GPATCH1: variants seen among roughly 807,000 people sequenced by gnomAD.
The protein encoded by GPATCH1 is G-patch domain containing 1, also known as G patch domain-containing protein 1.
Under a neutral mutation model 114.9 loss-of-function variants are expected in GPATCH1, and 73 were observed. That is an observed-to-expected ratio of 0.64 (90% CI 0.53 to 0.77). The LOEUF is 0.77. Ranked by LOEUF, GPATCH1 falls within the 30% of genes least tolerant of loss-of-function variation. The probability of loss-of-function intolerance (pLI) is 0.00; values close to 1 mark genes in which losing one functional copy is unlikely to be tolerated. For missense variants in GPATCH1, 1,058 were observed against 1,144.3 expected (o/e 0.92, Z 1.09); for synonymous variants, 391 against 428.4 (o/e 0.91, Z 1.08).
chr19:33,092,854 C>A (rs865780673), intron 3 of GPATCH1, among the ~76,000 whole-genome samples: 1 of 151,988 alleles, frequency 6.6e-6, no homozygotes, highest in South Asian at 2.1e-4. Context: ...CATGCCCTGC[C>A]CTTGGCCACT....
intron 15 of GPATCH1, among the ~76,000 whole-genome samples, chr19:33,116,193 T>C (rs1050358241): frequency 6.6e-6 from 1 of 152,218 alleles, no homozygotes; most frequent in African/African-American, 2.4e-5. Flanking sequence ...TCTTACATAT[T>C]ACATGTACAC....
rs753209985 is a variant in GPATCH1 at position 33,117,935 on chromosome 19, C to T, written c.2307C>T (p.Ser769=). The T allele has an allele frequency of 1.6e-5, 26 of 1,612,406 alleles. No homozygotes were observed. Among genetic ancestry groups the T allele is most frequent in the Admixed American group, 5.0e-5 (3 of 59,948 alleles). Residue 769 remains serine, a synonymous_variant, in exon 16 of 20, where the codon TCC becomes TCT. Coordinates refer to ENST00000170564, the MANE Select transcript of GPATCH1 (RefSeq NM_018025.3). ...ASSSDEKSSS[S]EDEQGDSEDD... ...CCTCAGATGAAAAGTCCTCATCCTCCGAGGATGAGCAAGGTGACAGTGAAG... is the reference window on the plus strand; with the variant it reads ...CCTCAGATGAAAAGTCCTCATCCTCTGAGGATGAGCAAGGTGACAGTGAAG...
At chr19:33,108,507 G>C (rs1479938447) in intron 10 of GPATCH1, among the ~76,000 whole-genome samples, 3 of 151,108 alleles carry the variant, frequency 2.0e-5, no homozygotes, top group Admixed American at 6.6e-5. Flanking sequence ...TGTGAATCTG[G>C]CTCTTTTTTT....
chr19:33,093,651 G>T, intron 4 of GPATCH1, 132 bp downstream of exon 4: 1 of 842,564 alleles, frequency 1.2e-6, no homozygotes, highest in Non-Finnish European at 1.9e-6. Flanking sequence ...GAAAAAGGGG[G>T]TTTTGCGTAA....
chr19:33,108,610 C>T (rs184785491), intron 10 of GPATCH1, among the ~76,000 whole-genome samples: 2 of 152,234 alleles, frequency 1.3e-5, no homozygotes, highest in African/African-American at 2.4e-5. Context: ...TCTACCAGCC[C>T]GCTCACACAA....
chr19:33,096,330 G>T lies in GPATCH1; in HGVS notation c.736G>T (p.Ala246Ser). Residue 246 changes from alanine to serine, a missense_variant, in exon 7 of 20, where the codon GCA (alanine) becomes TCA (serine). Physicochemically the swap from Ala to Ser is moderately conservative, Grantham distance 99. Around this residue, in one of 3 missense-constraint regions of GPATCH1, gnomAD observed 893 missense variants for 977.4 expected, o/e 0.91. Transcript: ENST00000170564. The part of the protein sequence containing the change: ...LAYKGLDPHQ[A>S]LFGTSGEHFN... ...TTACAAGGGCCTGGATCCCCACCAGGCACTGTTTGGAACTTCGGGAGAACA... is the reference window on the plus strand; with the variant it reads ...TTACAAGGGCCTGGATCCCCACCAGTCACTGTTTGGAACTTCGGGAGAACA... The T allele has an allele frequency of 6.2e-7, 1 of 1,614,146 alleles. No individual in the cohort carries two copies. The highest frequency in any genetic ancestry group is 8.5e-7 in the Non-Finnish European group (1 of 1,180,018).
At chr19:33,129,773 A>T (rs1436454205) in intron 19 of GPATCH1, among the ~76,000 whole-genome samples, 1 of 152,106 alleles carries the variant, frequency 6.6e-6, no homozygotes, top group Non-Finnish European at 1.5e-5. Context: ...GTGAAACCCC[A>T]TCTGTACTAA....
intron 18 of GPATCH1, 21 bp from the exon 19 acceptor site, chr19:33,126,567 A>C: frequency 6.2e-7 from 1 of 1,611,238 alleles, no homozygotes; most frequent in Non-Finnish European, 8.5e-7. Context: ...GTTTTCCCCC[A>C]CCACTATTTG....
chr19:33,094,997 C>G lies in GPATCH1; in HGVS notation c.553+728C>G, dbSNP rs573640461. ...TGGGCAACACGGTGAAACCCTGCCT[C>G]TACCAAATATACCAAAATTAGCCAG... On this transcript the variant is annotated intron_variant, in intron 5 of 19. Transcript: ENST00000170564. 2.0e-5 allele frequency among the ~76,000 whole-genome samples: 3 copies of G among 152,216 alleles called. No individual in the cohort carries two copies. The East Asian group carries it at 5.8e-4, about 29-fold the overall frequency.
chr19:33,086,106 C>T (rs1159116110), intron 1 of GPATCH1, among the ~76,000 whole-genome samples: 1 of 152,188 alleles, frequency 6.6e-6, no homozygotes, highest in Non-Finnish European at 1.5e-5. Context: ...CTGCAATGTA[C>T]AGAACATTCC....
In GPATCH1 at chr19:33,112,488, T is replaced by G. The variant is rs1382839837; in HGVS notation, c.1767T>G (p.Asn589Lys). 6.2e-7 allele frequency: 1 copy of G among 1,614,042 alleles called. No homozygotes were observed. The part of the protein sequence containing the change: ...DQVEVPRDQE[N>K]DVGDKQSAVK... ...ACAGAATGCATGTCTTTTTCCAGAATGATGTCGGGGATAAGCAGTCGGCTG... is the reference window on the plus strand; with the variant it reads ...ACAGAATGCATGTCTTTTTCCAGAAGGATGTCGGGGATAAGCAGTCGGCTG... Residue 589 changes from asparagine to lysine, a missense_variant and splice_region_variant, in exon 13 of 20, where the codon AAT (asparagine) becomes AAG (lysine). Transcript: ENST00000170564.
chr19:33,096,269 G>T lies in GPATCH1; in HGVS notation c.675G>T (p.Val225=). ...TTGCACCCAAAGATGTCACACCTGTGGATTTCACACCTAAAGATAATGTGC... is the reference window on the plus strand; with the variant it reads ...TTGCACCCAAAGATGTCACACCTGTTGATTTCACACCTAAAGATAATGTGC... The part of the protein sequence containing the change: ...VTFAPKDVTP[V]DFTPKDNVHG... The change falls in exon 7 of 20, where the codon GTG becomes GTT. Residue 225 remains valine, a synonymous_variant. Transcript: ENST00000170564. 1 of 1,613,914 alleles carries T rather than the reference G, an allele frequency of 6.2e-7. No individual in the cohort carries two copies.
At chr19:33,089,105 T>C (rs566165746) in intron 2 of GPATCH1, among the ~76,000 whole-genome samples, 3 of 152,356 alleles carry the variant, frequency 2.0e-5, no homozygotes, top group Admixed American at 2.0e-4. Context: ...AATCAGATGA[T>C]TAAATGATAA....
intron 9 of GPATCH1, 69 bp from the exon 10 acceptor site, chr19:33,106,626 G>A: frequency 7.6e-7 from 1 of 1,309,264 alleles, no homozygotes; most frequent in Non-Finnish European, 1.1e-6. Context: ...AGAGGTAACA[G>A]GTTTTCCTGA....
Position 33,088,237 on chromosome 19 carries a change from T to C in GPATCH1, c.177T>C (p.Ala59=). 6.2e-7 allele frequency: 1 copy of C among 1,607,460 alleles called. No individual in the cohort carries two copies. Among genetic ancestry groups the C allele is most frequent in the Non-Finnish European group, 8.5e-7 (1 of 1,176,294 alleles). ...GGGCCTTTAGTGGAGGTTTCTCTGC[T>C]GGATACTTCAATACTGTTGGCTCAA... is the stretch of plus-strand genomic sequence containing the variant. ...FHGAFSGGFS[A]GYFNTVGSKE... is the part of the protein sequence containing the mutation. Residue 59 remains alanine (A), a synonymous_variant, in exon 2 of 20, where the codon GCT becomes GCC. Transcript: ENST00000170564.
rs528619638 is a variant in GPATCH1 at position 33,082,416 on chromosome 19, C to T, written c.73+1150C>T. Reference sequence around the variant, plus strand: ...TTGGTGGGGGTCCCCTCCCTTTTTTCACCCTGACCACATCCTGCCAGGTTG... The same window carrying T: ...TTGGTGGGGGTCCCCTCCCTTTTTTTACCCTGACCACATCCTGCCAGGTTG... On this transcript the variant is annotated intron_variant, in intron 1 of 19. Coordinates refer to ENST00000170564, the MANE Select transcript of GPATCH1 (RefSeq NM_018025.3). 3.7e-4 allele frequency among the ~76,000 whole-genome samples: 56 copies of T among 152,190 alleles called. No individual in the cohort carries two copies. The South Asian group carries it at 7.7e-3, about 21-fold the overall frequency.
intron 17 of GPATCH1, among the ~76,000 whole-genome samples, chr19:33,121,222 C>T (rs958257883): frequency 1.3e-5 from 2 of 151,482 alleles, no homozygotes; most frequent in African/African-American, 4.8e-5. Flanking sequence ...CTGAAGTGAT[C>T]CACCCACTTC....
chr19:33,083,227 G>T, intron 1 of GPATCH1, among the ~76,000 whole-genome samples: 1 of 128,912 alleles, frequency 7.8e-6, no homozygotes, highest in Non-Finnish European at 1.6e-5. Flanking sequence ...CTGGGCGACA[G>T]AGCGAGACTC....
chr19:33,127,354 T>A (rs1973053347), intron 19 of GPATCH1, among the ~76,000 whole-genome samples: 1 of 150,292 alleles, frequency 6.7e-6, no homozygotes, highest in Admixed American at 6.6e-5. Flanking sequence ...CCGTCTCTAC[T>A]AAAAATACAA....
Sources: gnomAD v4.1 joint callset for allele counts (sites outside exome capture counted in the v4.1 genomes callset) on GRCh38, gnomAD v4.1.1 for gene constraint, gnomAD v4.1.1 regional missense constraint, MANE v1.5 for transcripts, NCBI Gene and HGNC (gene_info 2026-07-23, HGNC 2026-07-21) for gene names.